LYRM9: variants seen among roughly 807,000 people sequenced by gnomAD.
The protein encoded by LYRM9 is LYR motif containing 9, also known as LYR motif-containing protein 9.
In LYRM9, 14 loss-of-function variants were observed where a neutral mutation model predicts 12.6. The ratio of observed to expected loss-of-function variants is 1.11; its 90% CI spans 0.73 to 1.73. The LOEUF (loss-of-function observed/expected upper bound fraction) is 1.73. Ranked by LOEUF, LYRM9 falls within the 40% of genes most tolerant of loss-of-function variation. The pLI, the probability that LYRM9 is intolerant of heterozygous loss-of-function variation, is 0.00. For synonymous variants in LYRM9, 42 were observed against 35.1 expected (o/e 1.20, Z -0.69); for missense variants, 94 against 95.0 (o/e 0.99, Z 0.04).
intron 1 of LYRM9, chr17:27,882,997 G>A (rs1230379197): frequency 3.8e-6 from 2 of 522,294 alleles, no homozygotes; most frequent in Non-Finnish European, 7.7e-6. Flanking sequence ...ATGAGTAGGT[G>A]TCCCTCACCG....
chr17:27,880,190 G>T, intron 3 of LYRM9, 84 bp downstream of exon 3: 2 of 1,047,356 alleles, frequency 1.9e-6, no homozygotes, highest in Non-Finnish European at 2.9e-6. Flanking sequence ...TCAACTGTGG[G>T]GCAGGAGTGG....
chr17:27,888,755 T>C (rs1905320405), intron 1 of LYRM9, among the ~76,000 whole-genome samples: 1 of 152,158 alleles, frequency 6.6e-6, no homozygotes, highest in Non-Finnish European at 1.5e-5. Context: ...AAAAAATCGC[T>C]TTAAAAACAC....
intron 1 of LYRM9, chr17:27,892,450 G>A (rs1164546114): frequency 2.2e-6 from 1 of 454,672 alleles, no homozygotes; most frequent in Non-Finnish European, 4.4e-6. Context: ...CAAGTTACCA[G>A]AGGAAACTAA....
chr17:27,883,835 T>TA (rs781375467), intron 1 of LYRM9, among the ~76,000 whole-genome samples: 2,387 of 24,580 alleles, frequency 0.097, 750 homozygotes, highest in Non-Finnish European at 0.13. Flanking sequence ...AGCCTTTTTC[T>TA]AAAAAAAAAA....
chr17:27,881,857 G>A (rs1190309685), intron 2 of LYRM9, among the ~76,000 whole-genome samples: 8 of 151,812 alleles, frequency 5.3e-5, no homozygotes, highest in Non-Finnish European at 1.0e-4. Context: ...ACCCAGGTGA[G>A]AATGCAGTGG....
At chr17:27,882,886 T>C in intron 1 of LYRM9, 174 bp from the exon 2 acceptor site, 1 of 722,994 alleles carries the variant, frequency 1.4e-6, no homozygotes, top group Non-Finnish European at 2.4e-6. Flanking sequence ...CAACAGAAGC[T>C]CTAGCCCAGA....
Position 27,879,379 on chromosome 17 carries a change from G to T in LYRM9, c.*94C>A. On this transcript the variant is annotated 3_prime_UTR_variant, in exon 4 of 4. Coordinates refer to ENST00000379102, the MANE Select transcript of LYRM9 (RefSeq NM_001076680.3). ...CTGATTTCTGGCTTTCAGCCAACAA[G>T]GCCAATGGCTCTTCCAAACCAGCTG... 7.2e-7 allele frequency: 1 copy of T among 1,394,262 alleles called. No homozygotes were observed. Among genetic ancestry groups the T allele is most frequent in the Non-Finnish European group, 9.7e-7 (1 of 1,032,570 alleles). The allele number at this position is 1,394,262 out of a possible 1,614,324, so 86.4% of individuals were successfully genotyped here. A position where few individuals can be genotyped will look rare whatever the true frequency, so the allele number is the denominator to read the frequency against.
intron 1 of LYRM9, among the ~76,000 whole-genome samples, chr17:27,890,478 C>T (rs934856602): frequency 2.0e-5 from 3 of 152,026 alleles, no homozygotes; most frequent in African/African-American, 7.2e-5. Flanking sequence ...AAATGCTTAA[C>T]AACAAAGCTC....
chr17:27,879,887 G>A, intron 3 of LYRM9: 1 of 581,946 alleles, frequency 1.7e-6, no homozygotes, highest in South Asian at 2.2e-5. Context: ...CCATAATTCT[G>A]CCCCAGTGTG....
chr17:27,885,795 G>T (rs570407793), intron 1 of LYRM9, among the ~76,000 whole-genome samples: 1 of 151,962 alleles, frequency 6.6e-6, no homozygotes, highest in South Asian at 2.1e-4. Context: ...CAATGATCTG[G>T]GCCAATTAAT....
At chr17:27,885,979 G>T (rs1199879958) in intron 1 of LYRM9, among the ~76,000 whole-genome samples, 3 of 152,070 alleles carry the variant, frequency 2.0e-5, no homozygotes, top group African/African-American at 7.2e-5. Context: ...TCATGACCAT[G>T]CCAGTCCGAC....
chr17:27,880,206 A>G, intron 3 of LYRM9, 68 bp downstream of exon 3: 1 of 1,239,416 alleles, frequency 8.1e-7, no homozygotes, highest in South Asian at 1.3e-5. Context: ...AGTGGCCTCT[A>G]GTGGTCATGG....
intron 2 of LYRM9, 190 bp from the exon 3 acceptor site, chr17:27,880,556 G>GC: frequency 1.7e-6 from 1 of 598,838 alleles, no homozygotes; most frequent in South Asian, 2.0e-5. Context: ...CTGAACAATA[G>GC]CATTTGAATC....
chr17:27,881,091 G>T (rs532961629), intron 2 of LYRM9: 2 of 152,192 alleles, frequency 1.3e-5, no homozygotes, highest in Admixed American at 1.3e-4. Context: ...TACAAAGTTA[G>T]TCGGGCGTGG....
At chr17:27,890,583 C>T (rs971772083) in intron 1 of LYRM9, among the ~76,000 whole-genome samples, 21 of 152,150 alleles carry the variant, frequency 1.4e-4, no homozygotes, top group Non-Finnish European at 1.2e-4. Flanking sequence ...ATCACTGGCA[C>T]AGATGTTGAG....
At chr17:27,892,251 A>T in intron 1 of LYRM9, 1 of 357,278 alleles carries the variant, frequency 2.8e-6, no homozygotes, top group Non-Finnish European at 5.4e-6. Context: ...ACCCTTTCCT[A>T]CTTTATTTGG....
At chr17:27,893,260 G>C (rs1269631668) in intron 1 of LYRM9, 57 bp downstream of exon 1, 1 of 153,012 alleles carries the variant, frequency 6.5e-6, no homozygotes, top group South Asian at 1.8e-4. Flanking sequence ...CAGTGGCTCC[G>C]GCCGCCGCTG....
In LYRM9 at chr17:27,879,509, C is replaced by G; in HGVS notation, c.220-19G>C. 1 of 1,551,752 alleles carries G rather than the reference C, an allele frequency of 6.4e-7. No homozygotes were observed. The highest frequency in any genetic ancestry group is 8.7e-7 in the Non-Finnish European group (1 of 1,147,080). On this transcript the variant is annotated intron_variant, in intron 3 of 3. Coordinates refer to ENST00000379102, the MANE Select transcript of LYRM9 (RefSeq NM_001076680.3). ...TTTTATACTGCAAGACAGAGAGATT[C>G]GAAGTGGAGGAGGGAAGCCAACAGG... is the stretch of plus-strand genomic sequence containing the variant.
In LYRM9 at chr17:27,879,212, A is replaced by G. The variant is rs1014036306; in HGVS notation, c.*261T>C. 4.7e-6 allele frequency: 2 copies of G among 422,354 alleles called. No homozygotes were observed. Among genetic ancestry groups the G allele is most frequent in the Non-Finnish European group, 8.4e-6 (2 of 237,152 alleles). 26.2% of individuals were successfully genotyped at this position (422,354 alleles called of 1,614,324 possible). On this transcript the variant is annotated 3_prime_UTR_variant, in exon 4 of 4. Transcript: ENST00000379102. Reference sequence around the variant, plus strand: ...AAAAGTAAAAGAACAAAAACACAAAAATAAAAAACACACAAAAGAAGCAAA... The same window carrying G: ...AAAAGTAAAAGAACAAAAACACAAAGATAAAAAACACACAAAAGAAGCAAA...
Sources: gnomAD v4.1 joint callset for allele counts (sites outside exome capture counted in the v4.1 genomes callset) on GRCh38, gnomAD v4.1.1 for gene constraint, MANE v1.5 for transcripts, NCBI Gene and HGNC (gene_info 2026-07-23, HGNC 2026-07-21) for gene names.